AGTPBP1: variants seen among roughly 807,000 people sequenced by gnomAD.
The protein encoded by AGTPBP1 is cytosolic carboxypeptidase 1.
In AGTPBP1, 70 loss-of-function variants were observed where a neutral mutation model predicts 143.9. The ratio of observed to expected loss-of-function variants is 0.49; its 90% confidence interval spans 0.40 to 0.59. The LOEUF (loss-of-function observed/expected upper bound fraction) is 0.59, where lower values mean the gene tolerates loss of function less well. Among genes scored for constraint, AGTPBP1 ranks in the 20% least tolerant of loss-of-function variants. The probability of loss-of-function intolerance (pLI) is 0.00; values close to 1 mark genes in which losing one functional copy is unlikely to be tolerated. For synonymous variants in AGTPBP1, 463 were observed against 500.2 expected (o/e 0.93, Z 0.99); for missense variants, 1,229 against 1,464.5 (o/e 0.84, Z 2.62).
In AGTPBP1 at chr9:85,632,792, G is replaced by C; in HGVS notation, c.1885C>G (p.Leu629Val). ...GTATTTTTCACAATCTCAATATAGA[G>C]GTCTGGGTCATGGAGTGTTGGTCCA... ...PDGPTLHDPD[L>V]YIEIVKNTKS... Residue 629 changes from leucine to valine, a missense_variant, in exon 14 of 26, where the codon CTC becomes GTC. Coordinates refer to ENST00000357081, the MANE Select transcript of AGTPBP1 (RefSeq NM_001330701.2). 3 of 1,614,116 alleles carry C rather than the reference G, an allele frequency of 1.9e-6. No individual in the cohort carries two copies. The highest frequency in any genetic ancestry group is 2.5e-6 in the Non-Finnish European group (3 of 1,180,012).
At chr9:85,637,059 T>A (rs933084346) in intron 13 of AGTPBP1, among the ~76,000 whole-genome samples, 19 of 151,116 alleles carry the variant, frequency 1.3e-4, no homozygotes, top group African/African-American at 4.1e-4. Flanking sequence ...TTTTTTTTTT[T>A]AGACAGAGTT....
At chr9:85,592,435 T>C (rs987165799) in intron 19 of AGTPBP1, 125 bp downstream of exon 19, 7 of 624,510 alleles carry the variant, frequency 1.1e-5, no homozygotes, top group Admixed American at 4.0e-5. Context: ...ATTATCCTTA[T>C]GTTAGAATAT....
chr9:85,607,265 CAT>C (rs1830045278), intron 17 of AGTPBP1, among the ~76,000 whole-genome samples: 1 of 152,152 alleles, frequency 6.6e-6, no homozygotes, highest in South Asian at 2.1e-4. Flanking sequence ...AGATTTGTCT[CAT>C]GTGTTCTAAT....
At chr9:85,702,434 T>C (rs1357255860) in intron 2 of AGTPBP1, among the ~76,000 whole-genome samples, 1 of 152,210 alleles carries the variant, frequency 6.6e-6, no homozygotes, top group African/African-American at 2.4e-5. Flanking sequence ...AATTGTCCTT[T>C]CTGTGATATT....
the AGTPBP1 span, among the ~76,000 whole-genome samples, chr9:85,763,845 G>GATAGT: frequency 6.6e-6 from 1 of 152,096 alleles, no homozygotes; most frequent in African/African-American, 2.4e-5. Context: ...TAAACCTTAT[G>GATAGT]ATAGTATGTG....
chr9:85,619,493 A>G (rs1391249968), intron 15 of AGTPBP1, among the ~76,000 whole-genome samples, 192 bp from the exon 16 acceptor site: 1 of 152,206 alleles, frequency 6.6e-6, no homozygotes, highest in African/African-American at 2.4e-5. Flanking sequence ...AAAACTTATA[A>G]TAAGAGATTT....
At chr9:85,561,532 C>T (rs1826725747) in intron 25 of AGTPBP1, among the ~76,000 whole-genome samples, 1 of 152,032 alleles carries the variant, frequency 6.6e-6, no homozygotes, top group South Asian at 2.1e-4. Context: ...CTAGATTCTC[C>T]AGCCACTGAA....
chr9:85,749,559 G>A, the AGTPBP1 span, among the ~76,000 whole-genome samples: 1 of 152,108 alleles, frequency 6.6e-6, no homozygotes, highest in Admixed American at 6.5e-5. Context: ...CTTCTGCATA[G>A]GTTCTCTTCA....
the AGTPBP1 span, chr9:85,786,311 C>T: frequency 1.9e-6 from 3 of 1,607,482 alleles, no homozygotes; most frequent in Non-Finnish European, 2.6e-6. Flanking sequence ...TTAGCACCCC[C>T]CAGTGGGCAT....
intron 9 of AGTPBP1, among the ~76,000 whole-genome samples, chr9:85,659,709 T>C (rs1833739493): frequency 2.0e-5 from 3 of 152,188 alleles, no homozygotes; most frequent in Admixed American, 6.6e-5. Flanking sequence ...CTATCAGTGA[T>C]CCTGAAAATT....
intron 25 of AGTPBP1, among the ~76,000 whole-genome samples, chr9:85,562,569 C>T (rs1826810071): frequency 6.6e-6 from 1 of 152,156 alleles, no homozygotes; most frequent in Non-Finnish European, 1.5e-5. Context: ...GTTTAATTTA[C>T]ATCTAATCTT....
the AGTPBP1 span, among the ~76,000 whole-genome samples, chr9:85,747,545 C>A: frequency 6.6e-6 from 1 of 152,170 alleles, no homozygotes; most frequent in African/African-American, 2.4e-5. Context: ...TCATTAATTT[C>A]TTTCAGCAAT....
chr9:85,746,578 G>A (rs753991110), upstream of AGTPBP1, among the ~76,000 whole-genome samples: 23 of 152,044 alleles, frequency 1.5e-4, no homozygotes, highest in Non-Finnish European at 2.1e-4. Flanking sequence ...ACAGTAAACC[G>A]TAATCACACC....
At position 85,670,710 on chromosome 9, in the gene AGTPBP1, G is replaced by A. The variant is rs1418985606; in HGVS notation, c.569-1132C>T. On this transcript the variant is annotated intron_variant, in intron 7 of 25. Coordinates refer to ENST00000357081, the MANE Select transcript of AGTPBP1 (RefSeq NM_001330701.2). ...AAGACCCTGTCTCTAAAAGAAAATC[G>A]TTTAATAAACAATTTTTAAATTATA... Among the ~76,000 whole-genome samples the A allele has an allele frequency of 5.9e-5, 9 of 152,106 alleles. No homozygotes were observed. In the East Asian group the frequency reaches 7.7e-4, roughly 13 times the overall value.
intron 8 of AGTPBP1, among the ~76,000 whole-genome samples, chr9:85,669,117 TAAG>T (rs1834327475): frequency 6.6e-6 from 1 of 151,080 alleles, no homozygotes; most frequent in Non-Finnish European, 1.5e-5. Flanking sequence ...CAGGTATTCA[TAAG>T]AATGAAAAAG....
chr9:85,606,673 G>A (rs1289266283), intron 17 of AGTPBP1, among the ~76,000 whole-genome samples: 2 of 151,924 alleles, frequency 1.3e-5, no homozygotes, highest in Non-Finnish European at 2.9e-5. Flanking sequence ...ATCAATGGAT[G>A]AATGAATATA....
chr9:85,773,884 A>G, the AGTPBP1 span: 1 of 1,610,656 alleles, frequency 6.2e-7, no homozygotes, highest in South Asian at 1.1e-5. Flanking sequence ...TTATATAATG[A>G]AGAAATGAAA....
chr9:85,594,616 T>C (rs560015055), intron 18 of AGTPBP1, among the ~76,000 whole-genome samples: 1 of 152,082 alleles, frequency 6.6e-6, no homozygotes, highest in Admixed American at 6.6e-5. Flanking sequence ...TTTAAATAAA[T>C]AAACATACCT....
At chr9:85,770,098 T>C in the AGTPBP1 span, among the ~76,000 whole-genome samples, 1 of 152,058 alleles carries the variant, frequency 6.6e-6, no homozygotes, top group Non-Finnish European at 1.5e-5. Flanking sequence ...TGTATGTGTA[T>C]GTATACACAC....
Sources: allele counts gnomAD v4.1 joint callset (sites outside exome capture counted in the v4.1 genomes callset), GRCh38; gene constraint gnomAD v4.1.1; transcripts MANE v1.5; gene names NCBI Gene and HGNC (gene_info 2026-07-23, HGNC 2026-07-21).